CXCL12: variants seen among roughly 807,000 people sequenced by gnomAD.
The protein encoded by CXCL12 is C-X-C motif chemokine ligand 12, also known as stromal cell-derived factor 1.
In CXCL12, 4 loss-of-function variants were observed where a neutral mutation model predicts 10.7. The ratio of observed to expected loss-of-function variants is 0.37; its 90% CI spans 0.18 to 0.86. The LOEUF is 0.86. Ranked by LOEUF, CXCL12 falls within the 40% of genes least tolerant of loss-of-function variation. The pLI is 0.43. For missense variants in CXCL12, 122 were observed against 110.4 expected (o/e 1.10, Z -0.47); for synonymous variants, 54 against 45.4 (o/e 1.19, Z -0.77).
downstream of CXCL12, chr10:44,372,712 A>G: frequency 7.0e-7 from 1 of 1,426,676 alleles, no homozygotes; most frequent in Non-Finnish European, 9.1e-7. Context: ...GAGGATGTGG[A>G]GGTGCTCGGG....
At chr10:44,384,603 T>C (rs1839740259) in intron 1 of CXCL12, among the ~76,000 whole-genome samples, 1 of 152,062 alleles carries the variant, frequency 6.6e-6, no homozygotes, top group African/African-American at 2.4e-5. Context: ...GGGTGGAGGG[T>C]GGGCAGGCAG....
At chr10:44,374,822 G>A (rs1839411103), downstream of CXCL12, 2 of 384,916 alleles carry the variant, frequency 5.2e-6, no homozygotes, top group Non-Finnish European at 5.2e-6. Context: ...GTTTATGTGA[G>A]GTGGAGAAGG....
At position 44,378,710 on chromosome 10, in the gene CXCL12, T is replaced by C; in HGVS notation, c.193A>G (p.Asn65Asp). Residue 65 changes from asparagine to aspartate, a missense_variant, in exon 3 of 3, where the codon AAC becomes GAC. By Grantham distance (23) the Asn-to-Asp change is conservative. Coordinates refer to ENST00000343575, the MANE Select transcript of CXCL12 (RefSeq NM_199168.4). Reference sequence around the variant, plus strand: ...TCAATGCACACTTGTCTGTTGTTGTTCTTCAGCCGGGCTCTGTGAAAACAG... The same window carrying C: ...TCAATGCACACTTGTCTGTTGTTGTCCTTCAGCCGGGCTCTGTGAAAACAG... ...CALQIVARLKNNNRQVCIDPK... is the reference protein window; with the variant it reads ...CALQIVARLKDNNRQVCIDPK... 1 of 1,614,224 alleles carries C rather than the reference T, an allele frequency of 6.2e-7. No individual in the cohort carries two copies. Among genetic ancestry groups the C allele is most frequent in the Non-Finnish European group, 8.5e-7 (1 of 1,180,040 alleles).
chr10:44,373,875 C>T (rs1246178375), downstream of CXCL12, among the ~76,000 whole-genome samples: 2 of 152,180 alleles, frequency 1.3e-5, no homozygotes, highest in East Asian at 1.9e-4. Context: ...CCAGGAGGAA[C>T]GCATGCTGGA....
At position 44,384,929 on chromosome 10, in the gene CXCL12, C is replaced by T. The variant is rs546334540; in HGVS notation, c.61+16G>A. ...GCCCAGAGCCTCGCCAGGGCCTCCC[C>T]GCCGAGCGCACTTACCGTCGCTGAG... On this transcript the variant is annotated intron_variant, in intron 1 of 2. Coordinates refer to ENST00000343575, the MANE Select transcript of CXCL12 (RefSeq NM_199168.4). The T allele has an allele frequency of 1.1e-4, 170 of 1,546,214 alleles. 1 individual carries two copies. In the African/African-American group the frequency reaches 1.8e-3, roughly 16 times the overall value.
chr10:44,377,477 G>T lies in CXCL12; in HGVS notation c.*1156C>A. The T allele has an allele frequency of 7.7e-7, 1 of 1,300,884 alleles. No individual in the cohort carries two copies. Among genetic ancestry groups the T allele is most frequent in the South Asian group, 1.8e-5 (1 of 55,690 alleles). 80.6% of individuals were successfully genotyped at this position (1,300,884 alleles called of 1,614,324 possible). On this transcript the variant is annotated 3_prime_UTR_variant, in exon 3 of 3. Coordinates refer to ENST00000343575, the MANE Select transcript of CXCL12 (RefSeq NM_199168.4). Reference sequence around the variant, plus strand: ...ATACCACCAGGACCTTCTGTGGATCGCATTTATGCATGGAAATGTCACCTT... The same window carrying T: ...ATACCACCAGGACCTTCTGTGGATCTCATTTATGCATGGAAATGTCACCTT...
chr10:44,372,917 G>GCACC, downstream of CXCL12: 2 of 1,535,832 alleles, frequency 1.3e-6, no homozygotes, highest in South Asian at 2.4e-5. Flanking sequence ...ACTGGTCCTG[G>GCACC]CACCCCCAGG....
rs17883898 is a variant in CXCL12 at position 44,377,765 on chromosome 10, G to A, written c.*868C>T. ...GGGGGACCATTACACATCCCCAGGA[G>A]AGGGCCAGCTCCATTCTGGAGGAGG... On this transcript the variant is annotated 3_prime_UTR_variant, in exon 3 of 3. Coordinates refer to ENST00000343575, the MANE Select transcript of CXCL12 (RefSeq NM_199168.4). The A allele has an allele frequency of 1.3e-6, 2 of 1,598,240 alleles. No individual in the cohort carries two copies. The highest frequency in any genetic ancestry group is 1.7e-6 in the Non-Finnish European group (2 of 1,179,788).
At chr10:44,373,876 G>A (rs930374603), downstream of CXCL12, among the ~76,000 whole-genome samples, 46 of 152,322 alleles carry the variant, frequency 3.0e-4, 1 homozygote, top group African/African-American at 1.1e-3. Context: ...CAGGAGGAAC[G>A]CATGCTGGAC....
chr10:44,372,754 CA>C, downstream of CXCL12: 1 of 1,437,064 alleles, frequency 7.0e-7, no homozygotes, highest in South Asian at 1.5e-5. Context: ...GCCCTGGCCT[CA>C]CACTGCTGCC....
At chr10:44,375,985 T>C, downstream of CXCL12, 2 of 1,613,806 alleles carry the variant, frequency 1.2e-6, no homozygotes, top group Non-Finnish European at 1.7e-6. Context: ...CTGTCGCTTC[T>C]TTTTTCCTAT....
downstream of CXCL12, chr10:44,373,305 G>A (rs778975477): frequency 8.7e-6 from 14 of 1,605,026 alleles, no homozygotes; most frequent in Admixed American, 1.7e-5. Context: ...CTACTGTAAG[G>A]GTTCCTCAGG....
chr10:44,370,438 A>C (rs921758190), exon 4 of CXCL12: 1 of 152,516 alleles, frequency 6.6e-6, no homozygotes, highest in Non-Finnish European at 1.5e-5. Flanking sequence ...GCAAAATAAC[A>C]AATTTTCTAC....
At chr10:44,380,931 T>A (rs1839611563) in intron 1 of CXCL12, 51 bp from the exon 2 acceptor site, 1 of 1,475,978 alleles carries the variant, frequency 6.8e-7, no homozygotes, top group African/African-American at 1.4e-5. Context: ...CAGATTTTGG[T>A]AATGTGTGTC....
chr10:44,384,414 G>A (rs891610900), intron 1 of CXCL12, among the ~76,000 whole-genome samples: 3 of 152,200 alleles, frequency 2.0e-5, no homozygotes, highest in African/African-American at 4.8e-5. Context: ...GGAGAGGATC[G>A]GCTTCGCAGG....
At chr10:44,371,522 T>C (rs1371095479), downstream of CXCL12, 2 of 207,700 alleles carry the variant, frequency 9.6e-6, no homozygotes, top group East Asian at 3.2e-4. Flanking sequence ...CTCTATTTTT[T>C]CAATATAACA....
At chr10:44,378,792 G>A (rs533741259) in intron 2 of CXCL12, 69 bp from the exon 3 acceptor site, 254 of 1,513,934 alleles carry the variant, frequency 1.7e-4, no homozygotes, top group Middle Eastern at 1.1e-3. Context: ...GTGTGCATCC[G>A]CTCCCCCAAC....
In CXCL12 at chr10:44,378,282, A is replaced by T. The variant is rs748231862; in HGVS notation, c.*351T>A. The T allele has an allele frequency of 1.1e-4, 156 of 1,466,362 alleles. No individual in the cohort carries two copies. Among genetic ancestry groups the T allele is most frequent in the Non-Finnish European group, 1.4e-4 (150 of 1,097,068 alleles). The allele number at this position is 1,466,362 out of a possible 1,614,324, so 90.8% of individuals were successfully genotyped here. A position where few individuals can be genotyped will look rare whatever the true frequency, so the allele number is the denominator to read the frequency against. ...CTTGAAGTACTCGTTGATTTAAAAA[A>T]TGAGAATGAGAATGATGATGATTGT... On this transcript the variant is annotated 3_prime_UTR_variant, in exon 3 of 3. Transcript: ENST00000343575.
chr10:44,374,795 G>A, downstream of CXCL12: 2 of 410,004 alleles, frequency 4.9e-6, no homozygotes, highest in South Asian at 1.8e-5. Flanking sequence ...CAGGATCCGG[G>A]TGCAGGGTGG....
Sources: gnomAD v4.1 joint callset for allele counts (sites outside exome capture counted in the v4.1 genomes callset) on GRCh38, gnomAD v4.1.1 for gene constraint, MANE v1.5 for transcripts, NCBI Gene and HGNC (gene_info 2026-07-23, HGNC 2026-07-21) for gene names.